The following VPS50 variants were observed in gnomAD, a reference collection of about 807,000 sequenced individuals.
The protein encoded by VPS50 is VPS50 subunit of EARP/GARPII complex.
A neutral mutation model predicts 139.7 loss-of-function variants in VPS50; 70 were observed. The ratio of observed to expected loss-of-function variants is 0.50; its 90% confidence interval spans 0.41 to 0.61. The LOEUF is 0.61. VPS50 is among the 20% of genes least tolerant of loss of function. The probability of loss-of-function intolerance (pLI) is 0.00; values close to 1 mark genes in which losing one functional copy is unlikely to be tolerated. For missense variants in VPS50, 921 were observed against 1,133.7 expected (o/e 0.81, Z 2.69); for synonymous variants, 365 against 376.7 (o/e 0.97, Z 0.36).
intron 2 of VPS50, among the ~76,000 whole-genome samples, chr7:93,246,558 G>A (rs1036367117): frequency 2.6e-5 from 4 of 151,720 alleles, no homozygotes; most frequent in African/African-American, 9.7e-5. Context: ...TGTTATGTGG[G>A]TTTAGAAATT....
chr7:93,262,818 A>G (rs547130694), intron 9 of VPS50, among the ~76,000 whole-genome samples: 1 of 152,270 alleles, frequency 6.6e-6, no homozygotes, highest in African/African-American at 2.4e-5. Flanking sequence ...TCACCTGCCT[A>G]ACACCATTCC....
rs548574411 is a variant in VPS50, at chr7:93,356,061, G to A, written c.2756G>A (p.Arg919Gln). 11 of 1,507,960 alleles carry A rather than the reference G, an allele frequency of 7.3e-6. No homozygotes were observed. The highest frequency in any genetic ancestry group is 3.6e-4 in the Middle Eastern group (2 of 5,620). The allele number at this position is 1,507,960 out of a possible 1,614,324, so 93.4% of individuals were successfully genotyped here. ...TACCTAACTGAGAATGACATGGAAC[G>A]GTGGATCAAAGAGCACAGGGTGAGA... is the stretch of plus-strand genomic sequence containing the variant. ...AYYLTENDME[R>Q]WIKEHREYST... The change falls in exon 27 of 28, where the codon CGG (arginine) becomes CAG (glutamine). Residue 919 changes from arginine (R) to glutamine (Q), a missense_variant. By Grantham distance (43) the Arg-to-Gln change is conservative (BLOSUM62 1). Transcript: ENST00000305866.
chr7:93,308,895 C>A lies in VPS50; in HGVS notation c.1701C>A (p.Leu567=). ...GTGACAGTGATGTTCCTGAGGAACT[C>A]AAACGAGACTATGTGGATGAGCAGA... ...YDSDSDVPEE[L]KRDYVDEQTG... Residue 567 remains leucine (L), a synonymous_variant, in exon 19 of 28, where the codon CTC becomes CTA. Transcript: ENST00000305866. The A allele has an allele frequency of 6.2e-7, 1 of 1,606,974 alleles. No homozygotes were observed. The highest frequency in any genetic ancestry group is 1.1e-5 in the South Asian group (1 of 90,798).
At chr7:93,292,678 A>G (rs1796685017) in intron 13 of VPS50, among the ~76,000 whole-genome samples, 2 of 152,230 alleles carry the variant, frequency 1.3e-5, no homozygotes, top group Middle Eastern at 3.4e-3. Flanking sequence ...GTGAGTGGAC[A>G]ACACACCCAA....
intron 16 of VPS50, among the ~76,000 whole-genome samples, chr7:93,298,248 T>A (rs1056556466): frequency 2.6e-5 from 4 of 152,210 alleles, no homozygotes; most frequent in East Asian, 1.9e-4. Flanking sequence ...AAAAATTTTT[T>A]AAAAATTTAA....
At chr7:93,354,951 G>T (rs1391645710) in intron 26 of VPS50, among the ~76,000 whole-genome samples, 1 of 152,076 alleles carries the variant, frequency 6.6e-6, no homozygotes, top group East Asian at 1.9e-4. Context: ...GTGGGAAGAT[G>T]ACAGTGACAA....
chr7:93,288,100 T>C (rs748514944), intron 12 of VPS50, among the ~76,000 whole-genome samples: 8 of 152,032 alleles, frequency 5.3e-5, no homozygotes, highest in East Asian at 1.9e-4. Context: ...AGAGGAACTC[T>C]CACTTACAAA....
chr7:93,328,735 T>C (rs1292185806), intron 21 of VPS50, among the ~76,000 whole-genome samples: 1 of 151,984 alleles, frequency 6.6e-6, no homozygotes, highest in South Asian at 2.1e-4. Flanking sequence ...AAACCTGAAG[T>C]TTTTATGGAC....
intron 6 of VPS50, 93 bp downstream of exon 6, chr7:93,257,557 T>C: frequency 1.4e-6 from 1 of 697,332 alleles, no homozygotes; most frequent in Non-Finnish European, 2.4e-6. Flanking sequence ...TTTTAAATTA[T>C]GGATGTGGTT....
chr7:93,253,073 G>A (rs1347809146), intron 3 of VPS50, among the ~76,000 whole-genome samples: 13 of 152,178 alleles, frequency 8.5e-5, no homozygotes, highest in Non-Finnish European at 1.9e-4. Context: ...TATGTTTAGA[G>A]AAGCTCAGAC....
chr7:93,314,835 C>G (rs3802055), intron 20 of VPS50, among the ~76,000 whole-genome samples: 24,187 of 151,948 alleles, frequency 0.16, 1,947 homozygotes, highest in South Asian at 0.2. Context: ...TTAGGACATT[C>G]TTTTCATTGG....
intron 12 of VPS50, among the ~76,000 whole-genome samples, chr7:93,287,852 G>C (rs762642554): frequency 8.5e-5 from 13 of 152,150 alleles, no homozygotes; most frequent in South Asian, 2.1e-4. Context: ...ATTGGCTTTC[G>C]TCATATGTGT....
chr7:93,257,574 A>G, intron 6 of VPS50, 110 bp downstream of exon 6: 1 of 628,752 alleles, frequency 1.6e-6, no homozygotes, highest in Non-Finnish European at 2.7e-6. Flanking sequence ...GGTTTCTAGA[A>G]TATCATTCCT....
intron 11 of VPS50, among the ~76,000 whole-genome samples, chr7:93,275,637 G>A (rs951849663): frequency 6.6e-5 from 10 of 152,016 alleles, no homozygotes; most frequent in African/African-American, 2.2e-4. Flanking sequence ...TATATACACT[G>A]GGAAATAAAA....
chr7:93,321,665 C>A (rs1797617426), intron 20 of VPS50, among the ~76,000 whole-genome samples: 3 of 152,178 alleles, frequency 2.0e-5, no homozygotes, highest in African/African-American at 7.2e-5. Context: ...TTTTTTTCTT[C>A]TGAATACACA....
Position 93,305,824 on chromosome 7 carries a change from C to G in VPS50, c.1453-4C>G. 6.2e-7 allele frequency: 1 copy of G among 1,610,446 alleles called. No individual in the cohort carries two copies. The highest frequency in any genetic ancestry group is 8.5e-7 in the Non-Finnish European group (1 of 1,177,286). ...GGGTATCTGGCTCCTTTTTTAACAT[C>G]TAGGAATTTAAATTCATGGAACAGT... On this transcript the variant is annotated splice_polypyrimidine_tract_variant and splice_region_variant and intron_variant, in intron 17 of 27. Coordinates refer to ENST00000305866, the MANE Select transcript of VPS50 (RefSeq NM_017667.4).
intron 9 of VPS50, among the ~76,000 whole-genome samples, chr7:93,267,434 G>A (rs1309677602): frequency 6.6e-6 from 1 of 152,056 alleles, no homozygotes; most frequent in African/African-American, 2.4e-5. Flanking sequence ...AGAGAATAGG[G>A]GCTAATGGAA....
chr7:93,334,648 T>C (rs1798025002), intron 22 of VPS50, among the ~76,000 whole-genome samples: 1 of 152,074 alleles, frequency 6.6e-6, no homozygotes, highest in Admixed American at 6.6e-5. Context: ...TTGCAGAGAG[T>C]GTCTGGGACA....
At chr7:93,271,285 C>T in intron 10 of VPS50, 23 bp downstream of exon 10, 1 of 1,520,298 alleles carries the variant, frequency 6.6e-7, no homozygotes, top group East Asian at 2.5e-5. Context: ...ATATCCTAAC[C>T]TTAATGAGTT....
Sources: allele counts gnomAD v4.1 joint callset (sites outside exome capture counted in the v4.1 genomes callset), GRCh38; gene constraint gnomAD v4.1.1; transcripts MANE v1.5; gene names NCBI Gene and HGNC (gene_info 2026-07-23, HGNC 2026-07-21).